The following RYR3 variants were observed in gnomAD, a reference collection of about 807,000 sequenced individuals.
RYR3 encodes ryanodine receptor 3.
Under a neutral mutation model 584.3 loss-of-function variants are expected in RYR3, and 207 were observed. The ratio of observed to expected loss-of-function variants is 0.35; its 90% CI spans 0.32 to 0.40. RYR3 has a LOEUF of 0.40. RYR3 is among the 10% of genes least tolerant of loss of function. The pLI, the probability that RYR3 is intolerant of heterozygous loss-of-function variation, is 1.00. For missense variants in RYR3, 5,616 were observed against 6,089.2 expected (o/e 0.92, Z 2.59); for synonymous variants, 2,416 against 2,248.5 (o/e 1.07, Z -2.11).
rs368395073 is a variant in RYR3 at position 33,826,742 on chromosome 15, A to G, written c.11235A>G (p.Gly3745=). Reference sequence around the variant, plus strand: ...GATTCCTACAGTTACTTTGTGAGGGACATAACAGTGGTGAGTGGAACAGAT... The same window carrying G: ...GATTCCTACAGTTACTTTGTGAGGGGCATAACAGTGGTGAGTGGAACAGAT... ...LFRFLQLLCE[G]HNSDFQNFLR... Residue 3745 remains glycine, a synonymous_variant, in exon 84 of 104, where the codon GGA becomes GGG. Coordinates refer to ENST00000634891, the MANE Select transcript of RYR3 (RefSeq NM_001036.6). The G allele has an allele frequency of 1.2e-6, 2 of 1,611,718 alleles. No homozygotes were observed. Among genetic ancestry groups the G allele is most frequent in the African/African-American group, 1.3e-5 (1 of 74,820 alleles).
chr15:33,539,537 G>T, intron 6 of RYR3, 75 bp downstream of exon 6: 1 of 845,934 alleles, frequency 1.2e-6, no homozygotes. Flanking sequence ...ATGAAGAACT[G>T]AGCCACAGCA....
At chr15:33,317,581 G>A (rs561857113) in intron 1 of RYR3, among the ~76,000 whole-genome samples, 1 of 152,330 alleles carries the variant, frequency 6.6e-6, no homozygotes, top group East Asian at 1.9e-4. Flanking sequence ...AGAGAGGGAA[G>A]AAAAAGTGCT....
At chr15:33,451,142 C>T (rs1319141681) in intron 1 of RYR3, among the ~76,000 whole-genome samples, 3 of 152,168 alleles carry the variant, frequency 2.0e-5, no homozygotes, top group African/African-American at 7.2e-5. Context: ...CAAATGAGAT[C>T]ATTGTCAGTG....
chr15:33,608,148 T>C (rs1039295211), intron 18 of RYR3, among the ~76,000 whole-genome samples: 8 of 152,242 alleles, frequency 5.3e-5, no homozygotes, highest in African/African-American at 1.9e-4. Flanking sequence ...ACTCTCTTTA[T>C]AGCATCCCTG....
At chr15:33,688,286 A>T (rs535455717) in intron 38 of RYR3, among the ~76,000 whole-genome samples, 213 of 152,270 alleles carry the variant, frequency 1.4e-3, no homozygotes, top group Admixed American at 3.4e-3. Flanking sequence ...GAAGACATTT[A>T]TGGGGGGCTG....
intron 94 of RYR3, among the ~76,000 whole-genome samples, 198 bp downstream of exon 94, chr15:33,848,619 G>A (rs1309847259): frequency 6.6e-6 from 1 of 152,170 alleles, no homozygotes; most frequent in Non-Finnish European, 1.5e-5. Context: ...AATGGGGACA[G>A]AAGATATTAT....
chr15:33,452,905 C>G (rs2047245303), intron 1 of RYR3, among the ~76,000 whole-genome samples: 1 of 152,162 alleles, frequency 6.6e-6, no homozygotes, highest in African/African-American at 2.4e-5. Flanking sequence ...TACAGAAAAA[C>G]CTACAGCAAT....
At chr15:33,376,050 T>G (rs568235767) in intron 1 of RYR3, among the ~76,000 whole-genome samples, 2,796 of 152,110 alleles carry the variant, frequency 0.018, 47 homozygotes, top group Middle Eastern at 0.044. Flanking sequence ...GGGAACAGAG[T>G]GCGACTCCAT....
intron 46 of RYR3, among the ~76,000 whole-genome samples, chr15:33,726,784 T>C (rs1257755526): frequency 6.6e-6 from 1 of 152,240 alleles, no homozygotes; most frequent in Non-Finnish European, 1.5e-5. Flanking sequence ...CATGACCAAT[T>C]TCAAGCCACC....
Position 33,724,141 on chromosome 15 carries a change from A to G in RYR3, c.6877A>G (p.Ile2293Val). ...AATTATGTCATTTTATTCGGCCCTT[A>G]TAGATCTACTGGGCCGCTGTGCTCC... The part of the protein sequence containing the change: ...NAIMSFYSAL[I>V]DLLGRCAPEM... Residue 2293 changes from isoleucine to valine, a missense_variant, in exon 45 of 104, where the codon ATA becomes GTA. By Grantham distance (29) the Ile-to-Val change is conservative (BLOSUM62 3). Coordinates refer to ENST00000634891, the MANE Select transcript of RYR3 (RefSeq NM_001036.6). The G allele has an allele frequency of 1.2e-6, 2 of 1,611,356 alleles. No individual in the cohort carries two copies. The highest frequency in any genetic ancestry group is 1.7e-6 in the Non-Finnish European group (2 of 1,177,738).
intron 1 of RYR3, among the ~76,000 whole-genome samples, chr15:33,434,392 A>T (rs893819282): frequency 3.9e-4 from 59 of 152,186 alleles, no homozygotes; most frequent in African/African-American, 1.3e-3. Context: ...ACATTAAGAG[A>T]TTTCAAAGGG....
chr15:33,427,802 C>A (rs1194413748), intron 1 of RYR3, among the ~76,000 whole-genome samples: 3 of 152,188 alleles, frequency 2.0e-5, no homozygotes, highest in Non-Finnish European at 4.4e-5. Context: ...ATTAGTCAGA[C>A]ACTAAAGGAG....
At chr15:33,395,682 G>T (rs897645328) in intron 1 of RYR3, among the ~76,000 whole-genome samples, 7 of 152,256 alleles carry the variant, frequency 4.6e-5, no homozygotes, top group African/African-American at 1.7e-4. Context: ...ATCATATCTG[G>T]GTGCTCTGTG....
intron 95 of RYR3, 84 bp from the exon 96 acceptor site, chr15:33,853,471 C>T (rs1448298497): frequency 6.6e-7 from 1 of 1,504,302 alleles, no homozygotes; most frequent in Admixed American, 2.0e-5. Flanking sequence ...GCCCATAGGG[C>T]AGCAAAGCTC....
At chr15:33,667,779 T>A (rs1249937555) in intron 36 of RYR3, among the ~76,000 whole-genome samples, 1 of 151,876 alleles carries the variant, frequency 6.6e-6, no homozygotes, top group Non-Finnish European at 1.5e-5. Context: ...AATCCCTGAG[T>A]CAGGCCCGGC....
chr15:33,601,173 A>G (rs149982080), intron 16 of RYR3, among the ~76,000 whole-genome samples: 1 of 152,280 alleles, frequency 6.6e-6, no homozygotes, highest in Non-Finnish European at 1.5e-5. Context: ...TTTGGAGGGA[A>G]GGGGCATAAG....
intron 90 of RYR3, 87 bp downstream of exon 90, chr15:33,840,970 C>G: frequency 2.5e-6 from 3 of 1,221,214 alleles, no homozygotes; most frequent in East Asian, 2.4e-5. Context: ...GTAATCCCAG[C>G]ACTTTGAGAG....
rs184580793 is a variant in RYR3, at chr15:33,716,725, A to G, written c.6620-5990A>G. Among the ~76,000 whole-genome samples, 28 of 152,328 alleles carry G rather than the reference A, an allele frequency of 1.8e-4. No individual in the cohort carries two copies. The Middle Eastern group carries it at 0.01, about 56-fold the overall frequency. The stretch of plus-strand genomic sequence containing the variant: ...CCTCCAAGGCCCCTGTGGGATTCCA[A>G]CGATAGTGATAACTGAGTGTCTTGG... On this transcript the variant is annotated intron_variant, in intron 43 of 103. Transcript: ENST00000634891.
At chr15:33,486,757 A>G (rs943603272) in intron 2 of RYR3, among the ~76,000 whole-genome samples, 7 of 152,218 alleles carry the variant, frequency 4.6e-5, no homozygotes, top group African/African-American at 1.4e-4. Context: ...GCAGAAGTGC[A>G]TAGGCCCCAC....
Sources: allele counts gnomAD v4.1 joint callset (sites outside exome capture counted in the v4.1 genomes callset), GRCh38; gene constraint gnomAD v4.1.1; transcripts MANE v1.5; gene names NCBI Gene and HGNC (gene_info 2026-07-23, HGNC 2026-07-21).